FAM135B: variants seen among roughly 807,000 people sequenced by gnomAD.
FAM135B encodes the protein protein FAM135B.
Under a neutral mutation model 127.7 loss-of-function variants are expected in FAM135B, and 43 were observed. The ratio of observed to expected loss-of-function variants is 0.34; its 90% CI spans 0.26 to 0.43. The LOEUF is 0.43. Among genes scored for constraint, FAM135B ranks in the 20% least tolerant of loss-of-function variants. The pLI, the probability that FAM135B is intolerant of heterozygous loss-of-function variation, is 1.00. For synonymous variants in FAM135B, 670 were observed against 665.1 expected (o/e 1.01, Z -0.11); for missense variants, 1,558 against 1,725.6 (o/e 0.90, Z 1.72).
intron 9 of FAM135B, among the ~76,000 whole-genome samples, chr8:138,193,627 G>A (rs1816340009): frequency 6.6e-6 from 1 of 152,198 alleles, no homozygotes; most frequent in Admixed American, 6.5e-5. Flanking sequence ...ATGCTGAGCT[G>A]CACCTCCACA....
chr8:138,399,681 G>A (rs1368104880), intron 1 of FAM135B, among the ~76,000 whole-genome samples: 4 of 152,132 alleles, frequency 2.6e-5, no homozygotes, highest in Non-Finnish European at 4.4e-5. Flanking sequence ...CTAGAACAAT[G>A]CTAAGCACAC....
upstream of FAM135B, among the ~76,000 whole-genome samples, chr8:138,497,529 G>C (rs963287332): frequency 3.9e-5 from 6 of 152,198 alleles, no homozygotes; most frequent in Non-Finnish European, 7.4e-5. Flanking sequence ...GCGGGGCGCG[G>C]CGGAGAACTG....
chr8:138,199,084 G>C (rs748890659), intron 7 of FAM135B, among the ~76,000 whole-genome samples: 4 of 152,136 alleles, frequency 2.6e-5, no homozygotes, highest in Admixed American at 6.5e-5. Flanking sequence ...GCCTTGCTTG[G>C]TCTCCTTTCT....
chr8:138,370,307 A>T (rs1455156162), intron 1 of FAM135B, among the ~76,000 whole-genome samples: 1 of 152,086 alleles, frequency 6.6e-6, no homozygotes, highest in Non-Finnish European at 1.5e-5. Flanking sequence ...AATGGGATAG[A>T]GTTTTGGAAC....
chr8:138,489,218 A>C (rs1815109356), intron 1 of FAM135B, among the ~76,000 whole-genome samples: 3 of 152,084 alleles, frequency 2.0e-5, no homozygotes, highest in Admixed American at 2.0e-4. Context: ...AGAACTCATC[A>C]TTTCCTCCTG....
chr8:138,367,511 C>G (rs549302925), intron 2 of FAM135B: 15 of 451,940 alleles, frequency 3.3e-5, no homozygotes, highest in African/African-American at 6.0e-5. Context: ...TGTTACAATA[C>G]GTGGTTTTGA....
At chr8:138,435,353 T>C (rs917816519) in intron 1 of FAM135B, among the ~76,000 whole-genome samples, 2 of 152,064 alleles carry the variant, frequency 1.3e-5, no homozygotes, top group Non-Finnish European at 2.9e-5. Context: ...TCCATGATGA[T>C]GCCTCAATGC....
intron 4 of FAM135B, among the ~76,000 whole-genome samples, chr8:138,262,619 G>A (rs915054583): frequency 2.6e-5 from 4 of 152,042 alleles, no homozygotes; most frequent in Non-Finnish European, 5.9e-5. Context: ...AGCAACTAAC[G>A]GCTGGGCGCG....
intron 1 of FAM135B, among the ~76,000 whole-genome samples, chr8:138,392,242 A>T (rs1413575283): frequency 6.6e-6 from 1 of 152,112 alleles, no homozygotes; most frequent in Non-Finnish European, 1.5e-5. Context: ...TCCCACCCAA[A>T]TCTAGCTTCT....
At chr8:138,278,815 G>A (rs931976199) in intron 3 of FAM135B, among the ~76,000 whole-genome samples, 2 of 152,070 alleles carry the variant, frequency 1.3e-5, no homozygotes, top group African/African-American at 4.8e-5. Flanking sequence ...TTCATTTTCT[G>A]TAAAATGGAG....
intron 1 of FAM135B, among the ~76,000 whole-genome samples, chr8:138,451,717 G>A (rs1383515120): frequency 9.2e-5 from 14 of 152,156 alleles, no homozygotes; most frequent in African/African-American, 3.4e-4. Flanking sequence ...CACTGCAGAT[G>A]TGCTCCTCTA....
chr8:138,262,590 G>A (rs939067115), intron 4 of FAM135B, among the ~76,000 whole-genome samples: 2 of 152,212 alleles, frequency 1.3e-5, no homozygotes, highest in Admixed American at 1.3e-4. Flanking sequence ...TTTACAAAGT[G>A]TGTGGAAGAT....
At chr8:138,253,193 C>T (rs1487020686) in intron 5 of FAM135B, among the ~76,000 whole-genome samples, 1 of 152,144 alleles carries the variant, frequency 6.6e-6, no homozygotes, top group Non-Finnish European at 1.5e-5. Flanking sequence ...GGCAGATGCA[C>T]AGGGATGAAT....
intron 5 of FAM135B, among the ~76,000 whole-genome samples, chr8:138,256,075 G>A (rs1160828030): frequency 1.3e-5 from 2 of 152,018 alleles, no homozygotes; most frequent in African/African-American, 2.4e-5. Flanking sequence ...ATACTTCACT[G>A]GACTTTTCAT....
intron 3 of FAM135B, among the ~76,000 whole-genome samples, chr8:138,302,629 A>G (rs919455852): frequency 6.6e-6 from 1 of 152,154 alleles, no homozygotes; most frequent in African/African-American, 2.4e-5. Flanking sequence ...AGAAATCAGG[A>G]CACCACAAGT....
At chr8:138,133,771 C>T (rs1214443499) in intron 19 of FAM135B, among the ~76,000 whole-genome samples, 1 of 152,146 alleles carries the variant, frequency 6.6e-6, no homozygotes, top group Non-Finnish European at 1.5e-5. Context: ...TTTCCTTTTC[C>T]CTCCAGTTAT....
chr8:138,389,727 C>G (rs1198873990), intron 1 of FAM135B, among the ~76,000 whole-genome samples: 1 of 152,162 alleles, frequency 6.6e-6, no homozygotes, highest in Non-Finnish European at 1.5e-5. Flanking sequence ...TATTTTGAGA[C>G]TGCATAGTGG....
chr8:138,348,127 CTTTTTTTTTT>C (rs58289442), intron 2 of FAM135B, among the ~76,000 whole-genome samples: 4 of 52,848 alleles, frequency 7.6e-5, no homozygotes, highest in East Asian at 6.1e-4. Flanking sequence ...TTTTCCTCCT[CTTTTTTTTTT>C]TTTTTTTTTT....
intron 5 of FAM135B, among the ~76,000 whole-genome samples, chr8:138,254,981 G>A (rs890830078): frequency 2.6e-5 from 4 of 151,830 alleles, no homozygotes; most frequent in Admixed American, 1.3e-4. Flanking sequence ...TTCAGAGACA[G>A]GACAGTCCTT....
Sources: gnomAD v4.1 joint callset for allele counts (sites outside exome capture counted in the v4.1 genomes callset) on GRCh38, gnomAD v4.1.1 for gene constraint, MANE v1.5 for transcripts, NCBI Gene and HGNC (gene_info 2026-07-23, HGNC 2026-07-21) for gene names.